Variants in DGLUCY observed in about 807,000 individuals in gnomAD.
DGLUCY encodes the protein D-glutamate cyclase.
DGLUCY carries 58 observed loss-of-function variants against 58.5 expected under a neutral mutation model. The ratio of observed to expected loss-of-function variants is 0.99; its 90% CI spans 0.80 to 1.23. DGLUCY has a LOEUF of 1.23. Ranked by LOEUF, DGLUCY falls within the 50% of genes most tolerant of loss-of-function variation. The pLI, the probability that DGLUCY is intolerant of heterozygous loss-of-function variation, is 0.00. For missense variants in DGLUCY, 779 were observed against 784.7 expected, an observed-to-expected ratio of 0.99 and a Z score of 0.09; for synonymous variants, 325 against 314.1, an observed-to-expected ratio of 1.03 and a Z score of -0.37.
chr14:91,192,325 G>T (rs2049950159), intron 9 of DGLUCY, among the ~76,000 whole-genome samples: 1 of 152,166 alleles, frequency 6.6e-6, no homozygotes, highest in Non-Finnish European at 1.5e-5. Flanking sequence ...TAGAGTGGTG[G>T]TTGCCAGTGG....
chr14:91,221,261 G>C (rs1370614814), intron 13 of DGLUCY, among the ~76,000 whole-genome samples: 2 of 152,244 alleles, frequency 1.3e-5, no homozygotes, highest in African/African-American at 2.4e-5. Context: ...GGGAGTGAGG[G>C]GCCAAAGAGT....
chr14:91,217,165 T>C (rs145243956), intron 13 of DGLUCY, among the ~76,000 whole-genome samples: 3 of 152,324 alleles, frequency 2.0e-5, no homozygotes, highest in East Asian at 3.9e-4. Context: ...TTGGGGAATA[T>C]TCCCAGGTAA....
At chr14:91,223,368 GC>G (rs1486795988) in intron 13 of DGLUCY, among the ~76,000 whole-genome samples, 2 of 152,186 alleles carry the variant, frequency 1.3e-5, no homozygotes, top group Non-Finnish European at 2.9e-5. Context: ...CAGGGAGAGA[GC>G]CTTCTTATAG....
chr14:91,101,002 C>G (rs1256878636), intron 1 of DGLUCY, among the ~76,000 whole-genome samples: 1 of 151,820 alleles, frequency 6.6e-6, no homozygotes, highest in Non-Finnish European at 1.5e-5. Context: ...ACTCGTGAGG[C>G]AGAGGTTGCA....
chr14:91,126,596 G>A, intron 1 of DGLUCY: 1 of 174,716 alleles, frequency 5.7e-6, no homozygotes, highest in Non-Finnish European at 1.3e-5. Flanking sequence ...GGTGGCTCAG[G>A]CCTGTTATCT....
At chr14:91,077,353 AGAAGGAAGGGAGGGAG>A (rs2044038718) in intron 1 of DGLUCY, among the ~76,000 whole-genome samples, 1 of 149,392 alleles carries the variant, frequency 6.7e-6, no homozygotes. Flanking sequence ...AAAGAAAGGG[AGAAGGAAGGGAGGGAG>A]GAAGGAAGGA....
intron 1 of DGLUCY, among the ~76,000 whole-genome samples, chr14:91,133,408 C>T (rs746945488): frequency 2.0e-5 from 3 of 152,184 alleles, no homozygotes; most frequent in South Asian, 2.1e-4. Flanking sequence ...TGGACATTGG[C>T]TTCCACCTTT....
In DGLUCY at chr14:91,224,858, G is replaced by T; in HGVS notation, c.*25G>T. On this transcript the variant is annotated 3_prime_UTR_variant, in exon 14 of 14. Coordinates refer to ENST00000256324, the MANE Select transcript of DGLUCY (RefSeq NM_001102368.3). ...ACCGTCCATGTTCCGTGTGAGCAGAGTCCCTACCAACGGGCAGGTCTGCAT... is the reference window on the plus strand; with the variant it reads ...ACCGTCCATGTTCCGTGTGAGCAGATTCCCTACCAACGGGCAGGTCTGCAT... The T allele has an allele frequency of 6.4e-7, 1 of 1,572,738 alleles. No individual in the cohort carries two copies.
chr14:91,117,344 C>G (rs1240095363), intron 1 of DGLUCY, among the ~76,000 whole-genome samples: 1 of 152,122 alleles, frequency 6.6e-6, no homozygotes, highest in East Asian at 1.9e-4. Context: ...CTATCTCATC[C>G]TGTGACTAGG....
At chr14:91,085,567 T>TTTG (rs1555389462) in intron 1 of DGLUCY, among the ~76,000 whole-genome samples, 2 of 151,038 alleles carry the variant, frequency 1.3e-5, no homozygotes, top group African/African-American at 4.9e-5. Context: ...TTTTTTGTTT[T>TTTG]TTTTTTTTTT....
chr14:91,071,334 C>CAAAAAAA (rs3086750), intron 1 of DGLUCY, among the ~76,000 whole-genome samples: 9 of 84,182 alleles, frequency 1.1e-4, no homozygotes, highest in South Asian at 3.9e-4. Flanking sequence ...GAGATTCCAC[C>CAAAAAAA]AAAAAAAAAA....
chr14:91,067,761 G>A (rs1054730822), intron 1 of DGLUCY, among the ~76,000 whole-genome samples: 2 of 152,016 alleles, frequency 1.3e-5, no homozygotes, highest in African/African-American at 2.4e-5. Context: ...TGTTGCCCAG[G>A]CTGGTCTCGA....
chr14:91,125,335 G>T (rs527925196), intron 1 of DGLUCY, among the ~76,000 whole-genome samples: 1 of 152,294 alleles, frequency 6.6e-6, no homozygotes, highest in East Asian at 1.9e-4. Flanking sequence ...CTCTGGAATG[G>T]CTGCGATCCT....
intron 10 of DGLUCY, among the ~76,000 whole-genome samples, chr14:91,197,594 T>A (rs186443253): frequency 6.6e-6 from 1 of 152,364 alleles, no homozygotes; most frequent in Admixed American, 6.5e-5. Flanking sequence ...CTACTTTCTG[T>A]CTTTATGAGT....
At chr14:91,217,966 C>A (rs535074018) in intron 13 of DGLUCY, among the ~76,000 whole-genome samples, 34 of 152,280 alleles carry the variant, frequency 2.2e-4, no homozygotes, top group Middle Eastern at 3.4e-3. Flanking sequence ...AGACCTGGGG[C>A]TCTGAGAAGC....
At chr14:91,089,128 C>G (rs957282940) in intron 1 of DGLUCY, among the ~76,000 whole-genome samples, 52 of 152,234 alleles carry the variant, frequency 3.4e-4, no homozygotes, top group African/African-American at 1.2e-3. Context: ...GTTCCCTAGA[C>G]AGCTGCAAGA....
At chr14:91,102,219 A>G (rs1363297120) in intron 1 of DGLUCY, among the ~76,000 whole-genome samples, 1 of 152,226 alleles carries the variant, frequency 6.6e-6, no homozygotes, top group East Asian at 1.9e-4. Flanking sequence ...ATAAATCACC[A>G]GAGATTTTCT....
At chr14:91,214,805 T>C (rs889564410) in intron 12 of DGLUCY, among the ~76,000 whole-genome samples, 1 of 151,948 alleles carries the variant, frequency 6.6e-6, no homozygotes, top group African/African-American at 2.4e-5. Context: ...CAATGAGCTA[T>C]GGTCGTGCTA....
intron 8 of DGLUCY, among the ~76,000 whole-genome samples, chr14:91,187,041 C>A (rs976226816): frequency 6.6e-6 from 1 of 152,016 alleles, no homozygotes; most frequent in African/African-American, 2.4e-5. Flanking sequence ...GCTCTGTCAC[C>A]CAGGTTGGAG....
Sources: allele counts gnomAD v4.1 joint callset (sites outside exome capture counted in the v4.1 genomes callset), GRCh38; gene constraint gnomAD v4.1.1; transcripts MANE v1.5; gene names NCBI Gene and HGNC (gene_info 2026-07-23, HGNC 2026-07-21).